The following KCNJ5 variants were observed in gnomAD, a reference collection of about 807,000 sequenced individuals.
KCNJ5 encodes the protein G protein-activated inward rectifier potassium channel 4.
In KCNJ5, 12 loss-of-function variants were observed where a neutral mutation model predicts 20.2. That is an observed-to-expected ratio of 0.59 (90% confidence interval 0.38 to 0.96). The LOEUF (loss-of-function observed/expected upper bound fraction) is 0.96. Among genes scored for constraint, KCNJ5 ranks in the 40% least tolerant of loss-of-function variants. KCNJ5 has a pLI of 0.00. For synonymous variants in KCNJ5, 210 were observed against 213.9 expected, an observed-to-expected ratio of 0.98 and a Z score of 0.16; for missense variants, 449 against 557.6, an observed-to-expected ratio of 0.81 and a Z score of 1.96.
At chr11:128,910,400 G>A (rs979128341) in intron 1 of KCNJ5, among the ~76,000 whole-genome samples, 1 of 152,168 alleles carries the variant, frequency 6.6e-6, no homozygotes, top group South Asian at 2.1e-4. Flanking sequence ...ACAGCAATTT[G>A]TCATTTTAAT....
At chr11:128,912,277 C>T in intron 2 of KCNJ5, 67 bp downstream of exon 2, 3 of 1,244,656 alleles carry the variant, frequency 2.4e-6, no homozygotes, top group Non-Finnish European at 3.5e-6. Flanking sequence ...GCAACTGTGA[C>T]TCCAGAAGAT....
At position 128,891,899 on chromosome 11, in the gene KCNJ5, A is replaced by G. The variant is rs1591435687; in HGVS notation, c.-11+178A>G. Among the ~76,000 whole-genome samples, 3 of 152,334 alleles carry G rather than the reference A, an allele frequency of 2.0e-5. No homozygotes were observed. The South Asian group carries it at 6.2e-4, about 32-fold the overall frequency. On this transcript the variant is annotated intron_variant, in intron 1 of 2. Coordinates refer to ENST00000529694, the MANE Select transcript of KCNJ5 (RefSeq NM_000890.5). ...CAGGTCCAAGTTTAGGAAATTGGAG[A>G]TCTCCGTGGCTGCAGGCTGCCCTGT...
chr11:128,909,439 T>C (rs567569517), intron 1 of KCNJ5, among the ~76,000 whole-genome samples: 63 of 152,320 alleles, frequency 4.1e-4, no homozygotes, highest in African/African-American at 1.5e-3. Context: ...TAGGGGAACT[T>C]ACATGTAGAG....
At position 128,916,302 on chromosome 11, in the gene KCNJ5, A is replaced by G. The variant is rs1228314978; in HGVS notation, c.938-107A>G. 3 of 838,380 alleles carry G rather than the reference A, an allele frequency of 3.6e-6. No homozygotes were observed. The African/African-American group carries it at 5.1e-5, about 14-fold the overall frequency. The allele number at this position is 838,380 out of a possible 1,614,324, so 51.9% of individuals were successfully genotyped here. A position where few individuals can be genotyped will look rare whatever the true frequency, so the allele number is the denominator to read the frequency against. On this transcript the variant is annotated intron_variant, in intron 2 of 2. Coordinates refer to ENST00000529694, the MANE Select transcript of KCNJ5 (RefSeq NM_000890.5). ...GATGAACAGATGACTGGATGGATGGATGGATGGATAGATGGATGGATGGAT... is the reference window on the plus strand; with the variant it reads ...GATGAACAGATGACTGGATGGATGGGTGGATGGATAGATGGATGGATGGAT...
chr11:128,904,873 A>G (rs77857138), intron 1 of KCNJ5, among the ~76,000 whole-genome samples: 5,430 of 152,310 alleles, frequency 0.036, 302 homozygotes, highest in African/African-American at 0.12. Flanking sequence ...AAACGTTCAG[A>G]AATTCAAAAA....
At chr11:128,903,626 C>T (rs1012355226) in intron 1 of KCNJ5, 85 of 1,140,468 alleles carry the variant, frequency 7.5e-5, no homozygotes, top group Middle Eastern at 4.3e-4. Context: ...CAGAGAGTGA[C>T]GGGGCACTCT....
chr11:128,891,433 C>CAGAGAGAGAGAGAG lies in KCNJ5; in HGVS notation c.-298_-297insGAGAGAGAGAGAGA, dbSNP rs1286900771. 6.2e-4 allele frequency: 55 copies of CAGAGAGAGAGAGAG among 88,360 alleles called. No individual in the cohort carries two copies. The highest frequency in any genetic ancestry group is 1.7e-3 in the African/African-American group (35 of 20,460). 5.5% of individuals were successfully genotyped at this position (88,360 alleles called of 1,614,324 possible). A position where few individuals can be genotyped will look rare whatever the true frequency, so the allele number is the denominator to read the frequency against. On this transcript the variant is annotated 5_prime_UTR_variant, in exon 1 of 3. Coordinates refer to ENST00000529694, the MANE Select transcript of KCNJ5 (RefSeq NM_000890.5). ...ACACACACACACACACACACACACA[C>CAGAGAGAGAGAGAG]ACACACACAGAGAGAGAGAGAGAGA...
chr11:128,895,391 C>CT (rs896162043), intron 1 of KCNJ5, among the ~76,000 whole-genome samples: 1 of 149,726 alleles, frequency 6.7e-6, no homozygotes, highest in Non-Finnish European at 1.5e-5. Flanking sequence ...CACCCCCCCC[C>CT]CAACCCCAGG....
Position 128,902,347 on chromosome 11 carries a change from C to G in KCNJ5, c.-10-8917C>G, listed in dbSNP as rs569340361. ...ACTCAGCGCTTGCAGTCAGACATCT[C>G]TCCCCATTGAGACCATTTTTACTGT... On this transcript the variant is annotated intron_variant, in intron 1 of 2. Coordinates refer to ENST00000529694, the MANE Select transcript of KCNJ5 (RefSeq NM_000890.5). 9.3e-6 allele frequency: 6 copies of G among 643,686 alleles called. No homozygotes were observed. In the South Asian group the frequency reaches 1.2e-4, roughly 12 times the overall value. The allele number at this position is 643,686 out of a possible 1,614,324, so 39.9% of individuals were successfully genotyped here.
chr11:128,911,870 C>T lies in KCNJ5; in HGVS notation c.597C>T (p.Thr199=), dbSNP rs2135999272. 2 of 1,611,538 alleles carry T rather than the reference C, an allele frequency of 1.2e-6. No individual in the cohort carries two copies. The highest frequency in any genetic ancestry group is 1.7e-6 in the Non-Finnish European group (2 of 1,177,862). Residue 199 remains threonine (T), a synonymous_variant, in exon 2 of 3, where the codon ACC becomes ACT. Coordinates refer to ENST00000529694, the MANE Select transcript of KCNJ5 (RefSeq NM_000890.5). This position sits in a 1 kb window ranked among gnomAD's most constrained non-coding sequence, Gnocchi z 6.3. ...GCCAGCCCAAGAAGAGAGCGGAGAC[C>T]CTCATGTTTTCCAACAACGCAGTCA... is the stretch of plus-strand genomic sequence containing the variant. ...KISQPKKRAE[T]LMFSNNAVIS...
chr11:128,897,328 C>A (rs1349625588), intron 1 of KCNJ5, among the ~76,000 whole-genome samples: 1 of 152,056 alleles, frequency 6.6e-6, no homozygotes, highest in Admixed American at 6.5e-5. Flanking sequence ...GAACTCCTGA[C>A]TTCAGGTGAT....
Position 128,891,400 on chromosome 11 carries a change from A to G in KCNJ5, c.-332A>G. The G allele has an allele frequency of 1.8e-5, 1 of 54,492 alleles. No homozygotes were observed. The highest frequency in any genetic ancestry group is 3.3e-5 in the Non-Finnish European group (1 of 30,526). The allele number at this position is 54,492 out of a possible 1,614,324, so 3.4% of individuals were successfully genotyped here. A position where few individuals can be genotyped will look rare whatever the true frequency, so the allele number is the denominator to read the frequency against. ...GGAGAGAGGAGAGGGAGGAGGGGACACACACACACACACACACACACACAC... is the reference window on the plus strand; with the variant it reads ...GGAGAGAGGAGAGGGAGGAGGGGACGCACACACACACACACACACACACAC... On this transcript the variant is annotated 5_prime_UTR_variant, in exon 1 of 3. Transcript: ENST00000529694.
chr11:128,895,056 T>A (rs1262565805), intron 1 of KCNJ5, among the ~76,000 whole-genome samples: 1 of 144,194 alleles, frequency 6.9e-6, no homozygotes, highest in African/African-American at 2.6e-5. Context: ...GATCAATCAA[T>A]AGGGTGGCCA....
At chr11:128,898,957 G>A (rs113223494) in intron 1 of KCNJ5, among the ~76,000 whole-genome samples, 11,623 of 152,330 alleles carry the variant, frequency 0.076, 515 homozygotes, top group Middle Eastern at 0.14. Flanking sequence ...TGGGATTACA[G>A]GCGTGAGCCG....
rs182153562 is a variant in KCNJ5 at position 128,914,613 on chromosome 11, C to G, written c.938-1796C>G. ...ACAACTCTGCCGTATCCTGCCTGAG[C>G]GGGTTTGAGCAAGCTGCTTACCTTG... On this transcript the variant is annotated intron_variant, in intron 2 of 2. Transcript: ENST00000529694. Among the ~76,000 whole-genome samples, 4 of 152,276 alleles carry G rather than the reference C, an allele frequency of 2.6e-5. No homozygotes were observed. The East Asian group carries it at 5.8e-4, about 22-fold the overall frequency.
At chr11:128,902,512 G>C (rs762089397) in intron 1 of KCNJ5, 2 of 1,561,218 alleles carry the variant, frequency 1.3e-6, no homozygotes, top group African/African-American at 1.4e-5. Context: ...CGTCTGCATG[G>C]GGGAGGGGGC....
intron 1 of KCNJ5, chr11:128,902,811 T>C: frequency 7.3e-7 from 1 of 1,373,294 alleles, no homozygotes; most frequent in East Asian, 2.3e-5. Flanking sequence ...GCCCAACATG[T>C]CCATGGGCAG....
chr11:128,894,875 C>T (rs1229093878), intron 1 of KCNJ5, among the ~76,000 whole-genome samples: 2 of 152,170 alleles, frequency 1.3e-5, no homozygotes, highest in Admixed American at 6.5e-5. Context: ...TGCCAAGAGC[C>T]GTGCTAAGTT....
At position 128,891,397 on chromosome 11, in the gene KCNJ5, GACACACAC is replaced by G. The variant is rs113761140; in HGVS notation, c.-297_-290del. The G allele has an allele frequency of 0.013, 1,079 of 85,676 alleles. 12 individuals carry two copies. Among genetic ancestry groups the G allele is most frequent in the African/African-American group, 0.013 (256 of 19,120 alleles). 5.3% of individuals were successfully genotyped at this position (85,676 alleles called of 1,614,324 possible). A position where few individuals can be genotyped will look rare whatever the true frequency, so the allele number is the denominator to read the frequency against. ...GAGGGAGAGAGGAGAGGGAGGAGGG[GACACACAC>G]ACACACACACACACACACACACACA... On this transcript the variant is annotated 5_prime_UTR_variant, in exon 1 of 3. Transcript: ENST00000529694.
Sources: gnomAD v4.1 joint callset for allele counts (sites outside exome capture counted in the v4.1 genomes callset) on GRCh38, gnomAD v4.1.1 for gene constraint, Gnocchi (gnomAD v3.1) non-coding constraint, MANE v1.5 for transcripts, NCBI Gene and HGNC (gene_info 2026-07-23, HGNC 2026-07-21) for gene names.